MAP2: variants seen among roughly 807,000 people sequenced by gnomAD.
MAP2 encodes the protein microtubule-associated protein 2.
MAP2 carries 14 observed loss-of-function variants against 137.6 expected under a neutral mutation model. The ratio of observed to expected loss-of-function variants is 0.10; its 90% CI spans 0.07 to 0.16. MAP2 has a LOEUF of 0.16. Among genes scored for constraint, MAP2 ranks in the 10% least tolerant of loss-of-function variants. MAP2 has a pLI of 1.00. For missense variants in MAP2, 2,088 were observed against 2,191.5 expected (o/e 0.95, Z 0.94); for synonymous variants, 786 against 782.3 (o/e 1.00, Z -0.08).
chr2:209,704,491 A>G (rs1328017403), intron 11 of MAP2: 4 of 1,612,258 alleles, frequency 2.5e-6, no homozygotes, highest in Non-Finnish European at 3.4e-6. Context: ...AGGGTAGCAC[A>G]AAGTCCCCAA....
intron 4 of MAP2, among the ~76,000 whole-genome samples, chr2:209,638,673 T>C (rs1157737498): frequency 6.6e-6 from 1 of 152,196 alleles, no homozygotes; most frequent in Non-Finnish European, 1.5e-5. Context: ...TCCATTTTTC[T>C]TTTTAAATAT....
At chr2:209,604,896 T>C (rs1318949938) in intron 3 of MAP2, among the ~76,000 whole-genome samples, 1 of 152,154 alleles carries the variant, frequency 6.6e-6, no homozygotes, top group Admixed American at 6.6e-5. Flanking sequence ...CCAATTCTAA[T>C]GGCCTCCCCA....
chr2:209,537,607 T>C (rs1019478661), intron 2 of MAP2, among the ~76,000 whole-genome samples: 3 of 152,214 alleles, frequency 2.0e-5, no homozygotes, highest in Non-Finnish European at 4.4e-5. Flanking sequence ...TACATGATTG[T>C]ATTACAGCCT....
intron 1 of MAP2, among the ~76,000 whole-genome samples, chr2:209,469,779 G>T (rs2149697065): frequency 6.6e-6 from 1 of 152,240 alleles, no homozygotes; most frequent in Non-Finnish European, 1.5e-5. Context: ...CAGATTAGGG[G>T]TTATAAAAAT....
rs576854179 is a variant in MAP2 at position 209,468,385 on chromosome 2, A to G, written c.-221-39207A>G. On this transcript the variant is annotated intron_variant, in intron 1 of 15. Coordinates refer to ENST00000682079, the MANE Select transcript of MAP2 (RefSeq NM_001375505.1). ...ACCCAGGCTGGAGTGCAGTGGTGCG[A>G]TCTCGCTCACTGCAAGCTCTGCCTC... Among the ~76,000 whole-genome samples the G allele has an allele frequency of 6.2e-5, 8 of 129,796 alleles. No individual in the cohort carries two copies. In the South Asian group the frequency reaches 2.0e-3, roughly 33 times the overall value. 85.2% of individuals were successfully genotyped at this position (129,796 alleles called of 152,430 possible). A position where few individuals can be genotyped will look rare whatever the true frequency, so the allele number is the denominator to read the frequency against.
intron 3 of MAP2, among the ~76,000 whole-genome samples, chr2:209,617,319 T>G (rs1345854950): frequency 6.6e-6 from 1 of 152,144 alleles, no homozygotes; most frequent in Admixed American, 6.6e-5. Context: ...GAGGGGGTTA[T>G]GGGTGAAAAA....
At position 209,731,110 on chromosome 2, in the gene MAP2, T is replaced by C. The variant is rs2075718184; in HGVS notation, c.*713T>C. 1 of 152,608 alleles carries C rather than the reference T, an allele frequency of 6.6e-6. No individual in the cohort carries two copies. Among genetic ancestry groups the C allele is most frequent in the Admixed American group, 6.6e-5 (1 of 15,258 alleles). 9.5% of individuals were successfully genotyped at this position (152,608 alleles called of 1,614,324 possible). Reference sequence around the variant, plus strand: ...TTAGAATGTCAGTTGATCAGCTAGATTTGTGTCCACACTACCAGTTTCACA... The same window carrying C: ...TTAGAATGTCAGTTGATCAGCTAGACTTGTGTCCACACTACCAGTTTCACA... On this transcript the variant is annotated 3_prime_UTR_variant, in exon 16 of 16. Transcript: ENST00000682079.
chr2:209,461,460 T>G (rs1201906198), intron 1 of MAP2, among the ~76,000 whole-genome samples: 1 of 147,608 alleles, frequency 6.8e-6, no homozygotes, highest in African/African-American at 2.5e-5. Flanking sequence ...GTTTAATAGA[T>G]TTTTTTTTTT....
At chr2:209,464,760 G>A (rs1256869635) in intron 1 of MAP2, among the ~76,000 whole-genome samples, 1 of 152,028 alleles carries the variant, frequency 6.6e-6, no homozygotes, top group Non-Finnish European at 1.5e-5. Context: ...GGTCATTAAA[G>A]ACAACTAATA....
intron 3 of MAP2, among the ~76,000 whole-genome samples, chr2:209,609,606 T>C (rs1322696493): frequency 6.6e-6 from 1 of 152,316 alleles, no homozygotes; most frequent in East Asian, 1.9e-4. Flanking sequence ...TGTAGAAGGC[T>C]TCTTTCACTT....
chr2:209,564,279 T>C (rs912225623), intron 2 of MAP2, among the ~76,000 whole-genome samples: 3 of 152,186 alleles, frequency 2.0e-5, no homozygotes, highest in Non-Finnish European at 4.4e-5. Flanking sequence ...TATTCACATA[T>C]AGATTGACCC....
chr2:209,477,808 G>A (rs116029571), intron 1 of MAP2, among the ~76,000 whole-genome samples: 3,526 of 151,464 alleles, frequency 0.023, 45 homozygotes, highest in Non-Finnish European at 0.033. Context: ...ACCAGCCTGG[G>A]CAACACAAGT....
intron 13 of MAP2, among the ~76,000 whole-genome samples, chr2:209,716,664 A>G (rs1174593637): frequency 1.3e-5 from 2 of 152,192 alleles, no homozygotes; most frequent in African/African-American, 4.8e-5. Context: ...AGAATATTGA[A>G]CTAGGATTTA....
At chr2:209,629,087 G>A (rs1299966887) in intron 4 of MAP2, among the ~76,000 whole-genome samples, 2 of 152,146 alleles carry the variant, frequency 1.3e-5, no homozygotes, top group Non-Finnish European at 2.9e-5. Context: ...AAGCCATAAT[G>A]TATAATACCA....
At chr2:209,718,262 A>G (rs2068584750) in intron 13 of MAP2, among the ~76,000 whole-genome samples, 1 of 152,198 alleles carries the variant, frequency 6.6e-6, no homozygotes, top group Non-Finnish European at 1.5e-5. Flanking sequence ...CTGTTCATTC[A>G]CAAGCCAAAC....
At chr2:209,729,989 T>G in intron 15 of MAP2, 27 bp downstream of exon 15, 1 of 1,378,114 alleles carries the variant, frequency 7.3e-7, no homozygotes, top group Middle Eastern at 1.8e-4. Context: ...TGAGCCAATC[T>G]TGTCTTTTTA....
chr2:209,591,364 TA>T (rs1311245290), intron 3 of MAP2, among the ~76,000 whole-genome samples: 1 of 152,230 alleles, frequency 6.6e-6, no homozygotes, highest in African/African-American at 2.4e-5. Flanking sequence ...CTTTCTGCAA[TA>T]GAGAGTTATC....
At chr2:209,625,983 G>A (rs1018766247) in intron 4 of MAP2, among the ~76,000 whole-genome samples, 18 of 151,818 alleles carry the variant, frequency 1.2e-4, no homozygotes, top group Admixed American at 3.9e-4. Flanking sequence ...CTTATTCTAG[G>A]AAATATATTT....
intron 4 of MAP2, 85 bp from the exon 5 acceptor site, chr2:209,653,057 G>A: frequency 9.7e-7 from 1 of 1,032,198 alleles, no homozygotes; most frequent in Non-Finnish European, 1.4e-6. Context: ...CACACGGTTT[G>A]CTACAAATTT....
Sources: allele counts gnomAD v4.1 joint callset (sites outside exome capture counted in the v4.1 genomes callset), GRCh38; gene constraint gnomAD v4.1.1; transcripts MANE v1.5; gene names NCBI Gene and HGNC (gene_info 2026-07-23, HGNC 2026-07-21).